PARD3B: variants seen among roughly 807,000 people sequenced by gnomAD.
PARD3B encodes the protein partitioning defective 3 homolog B.
PARD3B carries 103 observed loss-of-function variants against 130.2 expected under a neutral mutation model. That is an observed-to-expected ratio of 0.79 (90% CI 0.67 to 0.93). PARD3B has a LOEUF of 0.93. Ranked by LOEUF, PARD3B falls within the 40% of genes least tolerant of loss-of-function variation. The pLI is 0.00. For missense variants in PARD3B, 1,609 were observed against 1,499.2 expected (o/e 1.07, Z -1.21); for synonymous variants, 583 against 553.2 (o/e 1.05, Z -0.76).
chr2:205,028,271 G>C (rs1251555492), intron 3 of PARD3B, among the ~76,000 whole-genome samples: 2 of 151,966 alleles, frequency 1.3e-5, no homozygotes, highest in Non-Finnish European at 2.9e-5. Context: ...TTGATGTACA[G>C]ATCTTTTACC....
chr2:204,584,751 G>A (rs949090239), intron 1 of PARD3B, among the ~76,000 whole-genome samples: 6 of 152,176 alleles, frequency 3.9e-5, no homozygotes, highest in Admixed American at 3.9e-4. Context: ...TTTTTCCAAG[G>A]CCACGTGGTT....
In PARD3B at chr2:204,953,418, CACAGAGAGAGAGAGAG is replaced by C. The variant is rs1303614799; in HGVS notation, c.223-11732_223-11717del. ...ACATATATATGTTAACATACACACACACAGAGAGAGAGAGAGAGAGAGAGAGAGAGAGAGAGAGAGA... is the reference window on the plus strand; with the variant it reads ...ACATATATATGTTAACATACACACACAGAGAGAGAGAGAGAGAGAGAGAGA... On this transcript the variant is annotated intron_variant, in intron 2 of 22. Coordinates refer to ENST00000406610, the MANE Select transcript of PARD3B (RefSeq NM_001302769.2). Among the ~76,000 whole-genome samples the C allele has an allele frequency of 2.4e-3, 284 of 117,506 alleles. 3 individuals carry two copies. The highest frequency in any genetic ancestry group is 6.7e-3 in the African/African-American group (209 of 31,316). 77.1% of individuals were successfully genotyped at this position (117,506 alleles called of 152,430 possible). A position where few individuals can be genotyped will look rare whatever the true frequency, so the allele number is the denominator to read the frequency against.
At chr2:205,482,815 G>A (rs542140448) in intron 20 of PARD3B, 7 of 152,230 alleles carry the variant, frequency 4.6e-5, no homozygotes, top group African/African-American at 9.6e-5. Flanking sequence ...AAGTACTGAC[G>A]TCACCATGCG....
intron 4 of PARD3B, among the ~76,000 whole-genome samples, chr2:205,050,820 C>T (rs1360040449): frequency 4.6e-5 from 7 of 151,844 alleles, no homozygotes; most frequent in Admixed American, 6.6e-5. Flanking sequence ...TTGGGTATAG[C>T]ATGCATGAGA....
intron 20 of PARD3B, among the ~76,000 whole-genome samples, chr2:205,487,522 C>T (rs948361936): frequency 1.3e-5 from 2 of 152,006 alleles, no homozygotes; most frequent in Non-Finnish European, 2.9e-5. Flanking sequence ...CTTATTTTTC[C>T]TTAAAATTGT....
Position 205,183,934 on chromosome 2 carries a change from T to G in PARD3B, c.1925-1830T>G, listed in dbSNP as rs1576110213. ...AAAAGCTGGTGGCGTGGTTTCAGTC[T>G]GAAGACAAACGGGCTTGAGACTCAG... is the stretch of plus-strand genomic sequence containing the variant. On this transcript the variant is annotated intron_variant, in intron 13 of 22. Transcript: ENST00000406610. The surrounding 1 kb of genome is among the most constrained non-coding windows in gnomAD (Gnocchi z 5.2). Among the ~76,000 whole-genome samples, 1 of 152,232 alleles carries G rather than the reference T, an allele frequency of 6.6e-6. No homozygotes were observed. The highest frequency in any genetic ancestry group is 2.1e-4 in the South Asian group (1 of 4,820).
Position 204,987,630 on chromosome 2 carries a change from A to G in PARD3B, c.394+22307A>G, listed in dbSNP as rs545163716. Among the ~76,000 whole-genome samples, 3 of 152,302 alleles carry G rather than the reference A, an allele frequency of 2.0e-5. 1 individual carries two copies. The highest frequency in any genetic ancestry group is 7.2e-5 in the African/African-American group (3 of 41,580). On this transcript the variant is annotated intron_variant, in intron 3 of 22. Coordinates refer to ENST00000406610, the MANE Select transcript of PARD3B (RefSeq NM_001302769.2). ...TCAGTCAATAATTATTTGCTGAATGAATGCATAAACAAATCAAATTAACAA... is the reference window on the plus strand; with the variant it reads ...TCAGTCAATAATTATTTGCTGAATGGATGCATAAACAAATCAAATTAACAA...
chr2:205,344,349 G>A (rs1276611619), intron 18 of PARD3B, among the ~76,000 whole-genome samples: 1 of 152,062 alleles, frequency 6.6e-6, no homozygotes, highest in African/African-American at 2.4e-5. Flanking sequence ...GAACCTACTA[G>A]TGACACCCTG....
intron 3 of PARD3B, among the ~76,000 whole-genome samples, chr2:204,981,254 A>G (rs941140993): frequency 7.2e-5 from 11 of 152,260 alleles, no homozygotes; most frequent in Non-Finnish European, 1.3e-4. Context: ...GAGCGTGTAT[A>G]TTCACTGAAA....
chr2:204,983,401 G>A (rs1181981660), intron 3 of PARD3B, among the ~76,000 whole-genome samples: 1 of 148,826 alleles, frequency 6.7e-6, no homozygotes, highest in Non-Finnish European at 1.5e-5. Context: ...GGTGGCTGTG[G>A]GGGGAGTCGG....
At chr2:204,787,782 C>T in intron 2 of PARD3B, among the ~76,000 whole-genome samples, 1 of 152,196 alleles carries the variant, frequency 6.6e-6, no homozygotes, top group East Asian at 1.9e-4. Flanking sequence ...GGACTCTTAA[C>T]ACCAACTTTT....
intron 2 of PARD3B, among the ~76,000 whole-genome samples, chr2:204,835,737 C>A (rs1445234183): frequency 6.6e-6 from 1 of 152,178 alleles, no homozygotes; most frequent in Non-Finnish European, 1.5e-5. Flanking sequence ...TTTGAATTTT[C>A]ATCTTTTCCC....
intron 3 of PARD3B, among the ~76,000 whole-genome samples, chr2:204,987,332 T>G (rs1183281828): frequency 6.6e-6 from 1 of 152,214 alleles, no homozygotes; most frequent in Non-Finnish European, 1.5e-5. Flanking sequence ...TTGGAAGATA[T>G]TTTATCTTGA....
chr2:205,294,108 A>G (rs1045297422), intron 16 of PARD3B, among the ~76,000 whole-genome samples: 1 of 151,938 alleles, frequency 6.6e-6, no homozygotes, highest in African/African-American at 2.4e-5. Flanking sequence ...GCAGCTTTTT[A>G]TTTGTTTTTT....
intron 18 of PARD3B, among the ~76,000 whole-genome samples, chr2:205,399,079 G>A (rs764984647): frequency 1.3e-5 from 2 of 151,974 alleles, no homozygotes; most frequent in Non-Finnish European, 2.9e-5. Flanking sequence ...GACCAGCCTG[G>A]CCAACATGGT....
At chr2:204,969,452 C>A (rs1340291478) in intron 3 of PARD3B, among the ~76,000 whole-genome samples, 1 of 152,180 alleles carries the variant, frequency 6.6e-6, no homozygotes, top group Non-Finnish European at 1.5e-5. Context: ...ACCTCACCTC[C>A]ACTCAAAAGA....
chr2:204,570,802 G>A (rs1354712661), intron 1 of PARD3B, among the ~76,000 whole-genome samples: 1 of 148,892 alleles, frequency 6.7e-6, no homozygotes, highest in Non-Finnish European at 1.5e-5. Context: ...TTGTAACTGA[G>A]GTGTATAAGC....
chr2:205,450,814 A>G (rs2048074641), intron 20 of PARD3B, among the ~76,000 whole-genome samples: 2 of 152,194 alleles, frequency 1.3e-5, no homozygotes, highest in Non-Finnish European at 2.9e-5. Context: ...TATCATCTGC[A>G]TAAGTGAAGA....
intron 20 of PARD3B, among the ~76,000 whole-genome samples, chr2:205,443,123 G>A (rs1398359570): frequency 6.6e-6 from 1 of 152,122 alleles, no homozygotes; most frequent in Non-Finnish European, 1.5e-5. Flanking sequence ...ACTAATGTTA[G>A]GTATTATCAT....
Sources: gnomAD v4.1 joint callset for allele counts (sites outside exome capture counted in the v4.1 genomes callset) on GRCh38, gnomAD v4.1.1 for gene constraint, Gnocchi (gnomAD v3.1) non-coding constraint, MANE v1.5 for transcripts, NCBI Gene and HGNC (gene_info 2026-07-23, HGNC 2026-07-21) for gene names.